The following CARD14 variants were observed in gnomAD, a reference collection of about 807,000 sequenced individuals.
CARD14 encodes the protein caspase recruitment domain-containing protein 14.
Under a neutral mutation model 111.5 loss-of-function variants are expected in CARD14, and 107 were observed. The observed-to-expected ratio is 0.96, with a 90% CI of 0.82 to 1.13. The LOEUF (loss-of-function observed/expected upper bound fraction) is 1.13. Among genes scored for constraint, CARD14 ranks in the 50% most tolerant of loss-of-function variants. The probability of loss-of-function intolerance (pLI) is 0.00; values close to 1 mark genes in which losing one functional copy is unlikely to be tolerated. For synonymous variants in CARD14, 617 were observed against 579.6 expected (o/e 1.06, Z -0.93); for missense variants, 1,322 against 1,362.3 (o/e 0.97, Z 0.47).
intron 7 of CARD14, chr17:80,187,965 C>G: frequency 2.0e-6 from 2 of 987,000 alleles, no homozygotes; most frequent in Non-Finnish European, 2.4e-6. Context: ...TCTCTTACTT[C>G]TTACTGATTT....
At position 80,182,612 on chromosome 17, in the gene CARD14, G is replaced by GT; in HGVS notation, c.212-40dup. 6.2e-7 allele frequency: 1 copy of GT among 1,610,218 alleles called. No individual in the cohort carries two copies. The highest frequency in any genetic ancestry group is 8.5e-7 in the Non-Finnish European group (1 of 1,178,138). ...CCAGCCAGGGAGCCCAGCCCCCTTG[G>GT]TAGCTGGGTTCTGCCCAGACAGACG... is the stretch of plus-strand genomic sequence containing the variant. On this transcript the variant is annotated intron_variant, in intron 5 of 23. Transcript: ENST00000648509. The surrounding 1 kb of genome is among the most constrained non-coding windows in gnomAD (Gnocchi z 4.7).
Position 80,184,124 on chromosome 17 carries a change from C to CT in CARD14, c.563dup (p.His189ProfsTer2). On this transcript the variant is annotated frameshift_variant, in exon 7 of 24. Transcript: ENST00000648509. LOFTEE classifies it high-confidence loss of function. ...GCATGAAGCGTGAGGTTAGCGCACACTTCCATGAGGTGCTGAGGCTGAAGG... is the reference window on the plus strand; with the variant it reads ...GCATGAAGCGTGAGGTTAGCGCACACTTTCCATGAGGTGCTGAGGCTGAAGG... The CT allele has an allele frequency of 6.4e-7, 1 of 1,573,522 alleles. No homozygotes were observed. The highest frequency in any genetic ancestry group is 8.6e-7 in the Non-Finnish European group (1 of 1,159,792).
intron 2 of CARD14, among the ~76,000 whole-genome samples, chr17:80,177,514 G>A (rs571757691): frequency 6.6e-6 from 1 of 152,040 alleles, no homozygotes; most frequent in Non-Finnish European, 1.5e-5. Context: ...TGGCCAACAT[G>A]GTGAAACCTT....
In CARD14 at chr17:80,198,842, G is replaced by A; in HGVS notation, c.1851+251G>A. 1 of 1,460,482 alleles carries A rather than the reference G, an allele frequency of 6.8e-7. No homozygotes were observed. Among genetic ancestry groups the A allele is most frequent in the Non-Finnish European group, 9.0e-7 (1 of 1,111,140 alleles). 90.5% of individuals were successfully genotyped at this position (1,460,482 alleles called of 1,614,324 possible). A position where few individuals can be genotyped will look rare whatever the true frequency, so the allele number is the denominator to read the frequency against. On this transcript the variant is annotated intron_variant, in intron 16 of 23. Coordinates refer to ENST00000648509, the MANE Select transcript of CARD14 (RefSeq NM_001366385.1). This position sits in a 1 kb window ranked among gnomAD's most constrained non-coding sequence, Gnocchi z 7.5. ...TTCTGACCAGGGGTCTTTGCATGAG[G>A]CCCCTTGACAGGGCTGCTCTGGGTG...
intron 7 of CARD14, chr17:80,187,684 G>A (rs775689645): frequency 8.0e-5 from 74 of 919,990 alleles, no homozygotes; most frequent in African/African-American, 7.3e-4. Context: ...CCACCCCGAC[G>A]TGCAGACTTC....
chr17:80,208,405 T>C lies in CARD14; in HGVS notation c.*60T>C, dbSNP rs561289674. 6.6e-4 allele frequency: 936 copies of C among 1,427,344 alleles called. 5 individuals are homozygous for C. The African/African-American group carries it at 0.012, about 18-fold the overall frequency. 88.4% of individuals were successfully genotyped at this position (1,427,344 alleles called of 1,614,324 possible). The stretch of plus-strand genomic sequence containing the variant: ...CTGTGTGCCTGTTAATGCAGTCCTG[T>C]TCCTCAGCCCAGGCCCTCTTGGCAC... On this transcript the variant is annotated 3_prime_UTR_variant, in exon 24 of 24. Coordinates refer to ENST00000648509, the MANE Select transcript of CARD14 (RefSeq NM_001366385.1).
Position 80,201,796 on chromosome 17 carries a change from C to A in CARD14, c.1904C>A (p.Thr635Asn). The stretch of plus-strand genomic sequence containing the variant: ...TTCAAGGCAGTCCTGGAGGACACGA[C>A]CCTGGAGGAGGCCGTGGGGCTTCTC... ...PLFKAVLEDTTLEEAVGLLRR... is the reference protein window; with the variant it reads ...PLFKAVLEDTNLEEAVGLLRR... Residue 635 changes from threonine to asparagine, a missense_variant, in exon 17 of 24, where the codon ACC (threonine) becomes AAC (asparagine). Thr to Asn is a moderately conservative substitution (Grantham distance 65). Coordinates refer to ENST00000648509, the MANE Select transcript of CARD14 (RefSeq NM_001366385.1). This position sits in a 1 kb window ranked among gnomAD's most constrained non-coding sequence, Gnocchi z 5.0. 6.2e-7 allele frequency: 1 copy of A among 1,613,990 alleles called. No individual in the cohort carries two copies. The highest frequency in any genetic ancestry group is 8.5e-7 in the Non-Finnish European group (1 of 1,179,890).
At position 80,182,891 on chromosome 17, in the gene CARD14, C is replaced by A. The variant is rs2040218397; in HGVS notation, c.349+101C>A. 3 of 1,414,364 alleles carry A rather than the reference C, an allele frequency of 2.1e-6. No homozygotes were observed. Among genetic ancestry groups the A allele is most frequent in the East Asian group, 2.3e-5 (1 of 43,604 alleles). The allele number at this position is 1,414,364 out of a possible 1,614,324, so 87.6% of individuals were successfully genotyped here. On this transcript the variant is annotated intron_variant, in intron 6 of 23. Coordinates refer to ENST00000648509, the MANE Select transcript of CARD14 (RefSeq NM_001366385.1). The surrounding 1 kb of genome is among the most constrained non-coding windows in gnomAD (Gnocchi z 4.7). The stretch of plus-strand genomic sequence containing the variant: ...TTACTTGCCGATTTGCCCTACTCCC[C>A]CTTCCCTCCAGGCTGCAGTTCCTGT...
At chr17:80,171,890 G>A (rs916530420) in intron 1 of CARD14, among the ~76,000 whole-genome samples, 2 of 152,206 alleles carry the variant, frequency 1.3e-5, no homozygotes, top group South Asian at 4.1e-4. Flanking sequence ...GGGGCAGAGG[G>A]ACAATCCAAC....
At position 80,205,592 on chromosome 17, in the gene CARD14, A is replaced by G. The variant is rs1355705178; in HGVS notation, c.2631A>G (p.Gly877=). The G allele has an allele frequency of 6.6e-7, 1 of 1,526,114 alleles. No individual in the cohort carries two copies. Among genetic ancestry groups the G allele is most frequent in the South Asian group, 1.2e-5 (1 of 85,284 alleles). The allele number at this position is 1,526,114 out of a possible 1,614,324, so 94.5% of individuals were successfully genotyped here. A position where few individuals can be genotyped will look rare whatever the true frequency, so the allele number is the denominator to read the frequency against. ...WSQRGDIIQE[G]EVSGGRCWVT... is the part of the protein sequence containing the mutation. The stretch of plus-strand genomic sequence containing the variant: ...AGAGAGGGGACATCATCCAGGAGGG[A>G]GAGGTGTCCGGGGGCCGCTGCTGGG... The change falls in exon 22 of 24, where the codon GGA becomes GGG. Residue 877 remains glycine, a synonymous_variant. Coordinates refer to ENST00000648509, the MANE Select transcript of CARD14 (RefSeq NM_001366385.1).
intron 10 of CARD14, 47 bp from the exon 11 acceptor site, chr17:80,191,275 TC>T: frequency 6.3e-7 from 1 of 1,588,600 alleles, no homozygotes; most frequent in Non-Finnish European, 8.6e-7. Context: ...TAGCTGAGGC[TC>T]CCCGGTGGTG....
At chr17:80,171,161 TTCC>T (rs2039888957) in intron 1 of CARD14, among the ~76,000 whole-genome samples, 1 of 84,384 alleles carries the variant, frequency 1.2e-5, no homozygotes, top group Admixed American at 1.1e-4. Flanking sequence ...CACCTTCCCC[TTCC>T]CCTCCCCTTC....
At chr17:80,199,574 AAAAAAAAG>A (rs1290814495) in intron 16 of CARD14, among the ~76,000 whole-genome samples, 1 of 149,762 alleles carries the variant, frequency 6.7e-6, no homozygotes, top group Admixed American at 6.7e-5. Flanking sequence ...AAAAAAAAAA[AAAAAAAAG>A]AAAAGAAAAA....
intron 1 of CARD14, among the ~76,000 whole-genome samples, chr17:80,172,200 T>G (rs2039917446): frequency 6.6e-6 from 1 of 152,248 alleles, no homozygotes; most frequent in South Asian, 2.1e-4. Context: ...CACAAGGCCA[T>G]TGGCCCCAAA....
chr17:80,197,201 C>T (rs567671612), intron 14 of CARD14: 1 of 150,458 alleles, frequency 6.6e-6, no homozygotes, highest in African/African-American at 2.5e-5. Flanking sequence ...GTCTCAACAA[C>T]AATAACAACA....
At chr17:80,177,972 C>T (rs2040065731) in intron 2 of CARD14, among the ~76,000 whole-genome samples, 1 of 152,198 alleles carries the variant, frequency 6.6e-6, no homozygotes, top group African/African-American at 2.4e-5. Context: ...GTCAAGACTT[C>T]AGCATTCTTT....
chr17:80,176,585 C>T (rs1443841508), intron 2 of CARD14, among the ~76,000 whole-genome samples: 1 of 152,146 alleles, frequency 6.6e-6, no homozygotes, highest in African/African-American at 2.4e-5. Flanking sequence ...AAGGAAACAT[C>T]CCCTACCTTT....
chr17:80,180,646 G>A (rs1203385805), intron 4 of CARD14, among the ~76,000 whole-genome samples: 3 of 151,204 alleles, frequency 2.0e-5, no homozygotes, highest in East Asian at 1.9e-4. Flanking sequence ...GCACGATCTC[G>A]GCTCTAGAGA....
Position 80,182,689 on chromosome 17 carries a change from A to T in CARD14, c.248A>T (p.Asn83Ile). 1 of 1,614,130 alleles carries T rather than the reference A, an allele frequency of 6.2e-7. No individual in the cohort carries two copies. Residue 83 changes from asparagine to isoleucine, a missense_variant, in exon 6 of 24, where the codon AAC becomes ATC. Transcript: ENST00000648509. The surrounding 1 kb of genome is among the most constrained non-coding windows in gnomAD (Gnocchi z 4.7). ...LLDLLKTRGKNGAIAFLESLK... is the reference protein window; with the variant it reads ...LLDLLKTRGKIGAIAFLESLK... ...GATTTGCTGAAGACTCGAGGGAAGA[A>T]CGGGGCCATCGCCTTCCTGGAGAGC...
Sources: allele counts gnomAD v4.1 joint callset (sites outside exome capture counted in the v4.1 genomes callset), GRCh38; gene constraint gnomAD v4.1.1; non-coding constraint Gnocchi (gnomAD v3.1); transcripts MANE v1.5; gene names NCBI Gene and HGNC (gene_info 2026-07-23, HGNC 2026-07-21).